Variants in BCAS3 observed in about 807,000 individuals in gnomAD.
BCAS3 encodes BCAS4/BCAS3 fusion.
Under a neutral mutation model 116.1 loss-of-function variants are expected in BCAS3, and 53 were observed. The ratio of observed to expected loss-of-function variants is 0.46; its 90% CI spans 0.37 to 0.57. The LOEUF (loss-of-function observed/expected upper bound fraction) is 0.57, where lower values mean the gene tolerates loss of function less well. Among genes scored for constraint, BCAS3 ranks in the 20% least tolerant of loss-of-function variants. The probability of loss-of-function intolerance (pLI) is 0.00; values close to 1 mark genes in which losing one functional copy is unlikely to be tolerated. For missense variants in BCAS3, 917 were observed against 1,165.4 expected, an observed-to-expected ratio of 0.79 and a Z score of 3.10; for synonymous variants, 391 against 408.2, an observed-to-expected ratio of 0.96 and a Z score of 0.51.
chr17:61,365,517 C>G lies in BCAS3; in HGVS notation c.2426-2810C>G, dbSNP rs1158013792. On this transcript the variant is annotated intron_variant, in intron 22 of 23. Coordinates refer to ENST00000407086, the MANE Select transcript of BCAS3 (RefSeq NM_017679.5). This position sits in a 1 kb window ranked among gnomAD's most constrained non-coding sequence, Gnocchi z 4.6. Reference sequence around the variant, plus strand: ...CCCAGCTAACTTTTGTATTTTTAGTCGAGATGGCGTTTCACCATGTTGTCC... The same window carrying G: ...CCCAGCTAACTTTTGTATTTTTAGTGGAGATGGCGTTTCACCATGTTGTCC... Among the ~76,000 whole-genome samples the G allele has an allele frequency of 1.3e-5, 2 of 152,124 alleles. No individual in the cohort carries two copies. Among genetic ancestry groups the G allele is most frequent in the Admixed American group, 1.3e-4 (2 of 15,282 alleles).
At chr17:60,729,529 A>T (rs1463140157) in intron 5 of BCAS3, among the ~76,000 whole-genome samples, 1 of 152,300 alleles carries the variant, frequency 6.6e-6, no homozygotes, top group East Asian at 1.9e-4. Flanking sequence ...GTTGTCAGTC[A>T]TTAAAAAAAA....
chr17:60,768,203 G>A (rs1486613911), intron 6 of BCAS3, among the ~76,000 whole-genome samples: 4 of 152,182 alleles, frequency 2.6e-5, no homozygotes, highest in African/African-American at 9.7e-5. Context: ...TGATTTCCTT[G>A]GTAGCTGTGA....
At chr17:61,049,730 CTTTTTTTTTTTTTTT>C (rs1027378849) in intron 19 of BCAS3, among the ~76,000 whole-genome samples, 1 of 120,828 alleles carries the variant, frequency 8.3e-6, no homozygotes, top group Admixed American at 8.1e-5. Context: ...CTTTTCTTTT[CTTTTTTTTTTTTTTT>C]TTTTGAGACG....
intron 10 of BCAS3, among the ~76,000 whole-genome samples, chr17:60,898,735 C>T (rs73991334): frequency 6.6e-6 from 1 of 152,100 alleles, no homozygotes; most frequent in Non-Finnish European, 1.5e-5. Flanking sequence ...TATGGGTGGG[C>T]TGGTTCCTGA....
chr17:61,125,397 G>A (rs752112723), intron 22 of BCAS3, among the ~76,000 whole-genome samples: 2 of 152,068 alleles, frequency 1.3e-5, no homozygotes, highest in Non-Finnish European at 2.9e-5. Flanking sequence ...TGACATATTT[G>A]TTTTCTCAGA....
chr17:61,107,032 G>C (rs1185912834), intron 22 of BCAS3, among the ~76,000 whole-genome samples: 1 of 148,410 alleles, frequency 6.7e-6, no homozygotes, highest in Non-Finnish European at 1.5e-5. Context: ...AGCTAAGGTT[G>C]ATGTTCCTCA....
rs777101591 is a variant in BCAS3, at chr17:61,244,577, A to C, written c.2426-123750A>C. On this transcript the variant is annotated intron_variant, in intron 22 of 23. Coordinates refer to ENST00000407086, the MANE Select transcript of BCAS3 (RefSeq NM_017679.5). The surrounding 1 kb of genome is among the most constrained non-coding windows in gnomAD (Gnocchi z 4.9). ...CAGTCTATATTTTTAAAAATTGGAT[A>C]TATAGGCCCGGCGCGGTGGCTCATG... Among the ~76,000 whole-genome samples the C allele has an allele frequency of 6.6e-6, 1 of 152,212 alleles. No homozygotes were observed. The highest frequency in any genetic ancestry group is 1.5e-5 in the Non-Finnish European group (1 of 68,032).
chr17:61,359,006 C>A (rs1184453977), intron 22 of BCAS3, among the ~76,000 whole-genome samples: 1 of 152,142 alleles, frequency 6.6e-6, no homozygotes, highest in African/African-American at 2.4e-5. Flanking sequence ...CTCTCCTGTG[C>A]CCCCTGCAGG....
chr17:60,694,181 C>T (rs112181318), intron 4 of BCAS3, among the ~76,000 whole-genome samples: 6,573 of 151,318 alleles, frequency 0.043, 514 homozygotes, highest in African/African-American at 0.14. Context: ...CCACCGCGCC[C>T]GGCCAAACAT....
In BCAS3 at chr17:61,008,904, T is replaced by C. The variant is rs762738469; in HGVS notation, c.1487-6847T>C. On this transcript the variant is annotated intron_variant, in intron 15 of 23. Transcript: ENST00000407086. The surrounding 1 kb of genome is among the most constrained non-coding windows in gnomAD (Gnocchi z 4.6). ...GGAGTGCCAGAGAGTCACATTGACC[T>C]CGGGCTTCAGTGTGGCTCAGTAATC... Among the ~76,000 whole-genome samples the C allele has an allele frequency of 6.6e-6, 1 of 151,994 alleles. No homozygotes were observed. The highest frequency in any genetic ancestry group is 2.4e-5 in the African/African-American group (1 of 41,408).
At chr17:61,045,975 TATTATATATATATTTATATATATATA>T (rs2068160516) in intron 19 of BCAS3, among the ~76,000 whole-genome samples, 1 of 10,536 alleles carries the variant, frequency 9.5e-5, no homozygotes, top group Non-Finnish European at 1.2e-4. Flanking sequence ...AATATATATA[TATTATATATATATTTATATATATATA>T]ATATATATAT....
rs1363079828 is a variant in BCAS3, at chr17:61,097,743, A to G, written c.2425+13179A>G. Among the ~76,000 whole-genome samples the G allele has an allele frequency of 1.3e-5, 2 of 152,192 alleles. No individual in the cohort carries two copies. Among genetic ancestry groups the G allele is most frequent in the Non-Finnish European group, 2.9e-5 (2 of 68,042 alleles). ...TCTCATTTAATCTTCTTTAATTAGG[A>G]TCAAGGTCCATTTTAGCAATAGTCA... is the stretch of plus-strand genomic sequence containing the variant. On this transcript the variant is annotated intron_variant, in intron 22 of 23. Coordinates refer to ENST00000407086, the MANE Select transcript of BCAS3 (RefSeq NM_017679.5). This position sits in a 1 kb window ranked among gnomAD's most constrained non-coding sequence, Gnocchi z 4.0.
At chr17:60,877,052 A>G (rs1407133405) in intron 9 of BCAS3, among the ~76,000 whole-genome samples, 1 of 152,108 alleles carries the variant, frequency 6.6e-6, no homozygotes, top group Non-Finnish European at 1.5e-5. Context: ...AGTATGTCTG[A>G]AAATGTAGTG....
rs2072077039 is a variant in BCAS3 at position 61,077,144 on chromosome 17, A to AG, written c.2131-1189_2131-1188insG. On this transcript the variant is annotated intron_variant, in intron 20 of 23. Coordinates refer to ENST00000407086, the MANE Select transcript of BCAS3 (RefSeq NM_017679.5). The surrounding 1 kb of genome is among the most constrained non-coding windows in gnomAD (Gnocchi z 4.3). ...ATTCGAGTTGATTATTTGTAAAAAA[A>AG]AAAAAAAATCATGTAATATATATAT... 6.6e-6 allele frequency among the ~76,000 whole-genome samples: 1 copy of AG among 152,038 alleles called. No homozygotes were observed. Among genetic ancestry groups the AG allele is most frequent in the Non-Finnish European group, 1.5e-5 (1 of 68,014 alleles).
rs188207909 is a variant in BCAS3, at chr17:61,373,249, T to C, written c.2593+4755T>C. 3.2e-3 allele frequency among the ~76,000 whole-genome samples: 486 copies of C among 151,888 alleles called. 2 individuals carry two copies. Among genetic ancestry groups the C allele is most frequent in the African/African-American group, 0.011 (469 of 41,420 alleles). On this transcript the variant is annotated intron_variant, in intron 23 of 23. Coordinates refer to ENST00000407086, the MANE Select transcript of BCAS3 (RefSeq NM_017679.5). ...GGACTCAGATACCCACCACCATGCC[T>C]GGCTAATTTTTGTATTTTTTAGTAG...
rs11079423 is a variant in BCAS3 at position 61,215,952 on chromosome 17, C to T, written c.2425+131388C>T. ...CAGGATATAATAGGTAAATCCACTT[C>T]TCTAGTATATTCAAATATATATTTT... On this transcript the variant is annotated intron_variant, in intron 22 of 23. Coordinates refer to ENST00000407086, the MANE Select transcript of BCAS3 (RefSeq NM_017679.5). This position sits in a 1 kb window ranked among gnomAD's most constrained non-coding sequence, Gnocchi z 4.8. Among the ~76,000 whole-genome samples the T allele has an allele frequency of 1, 151,976 of 152,344 alleles. 75,805 individuals carry two copies. Among genetic ancestry groups the T allele is most frequent in the Non-Finnish European group, 1 (68,046 of 68,046 alleles).
intron 8 of BCAS3, among the ~76,000 whole-genome samples, 166 bp downstream of exon 8, chr17:60,868,849 T>C (rs778005110): frequency 6.6e-6 from 1 of 152,218 alleles, no homozygotes; most frequent in Admixed American, 6.5e-5. Context: ...TCTTGATGAA[T>C]ATATTCAGAC....
chr17:61,385,284 C>A (rs56333622), intron 23 of BCAS3, among the ~76,000 whole-genome samples: 2,896 of 152,310 alleles, frequency 0.019, 89 homozygotes, highest in African/African-American at 0.065. Context: ...CTGCTCAACC[C>A]CACACAATTT....
chr17:61,391,806 C>T lies in BCAS3; in HGVS notation c.2594-171C>T. 1 of 690,362 alleles carries T rather than the reference C, an allele frequency of 1.4e-6. No individual in the cohort carries two copies. The highest frequency in any genetic ancestry group is 2.5e-6 in the Non-Finnish European group (1 of 405,888). The allele number at this position is 690,362 out of a possible 1,614,324, so 42.8% of individuals were successfully genotyped here. ...GCTTTCCCTCCCCTGGCTGAGCCTT[C>T]CTGTGACCTGAGCTGCCCCCTGCCC... is the stretch of plus-strand genomic sequence containing the variant. On this transcript the variant is annotated intron_variant, in intron 23 of 23. Coordinates refer to ENST00000407086, the MANE Select transcript of BCAS3 (RefSeq NM_017679.5). This position sits in a 1 kb window ranked among gnomAD's most constrained non-coding sequence, Gnocchi z 7.7.
Sources: gnomAD v4.1 joint callset for allele counts (sites outside exome capture counted in the v4.1 genomes callset) on GRCh38, gnomAD v4.1.1 for gene constraint, Gnocchi (gnomAD v3.1) non-coding constraint, MANE v1.5 for transcripts, NCBI Gene and HGNC (gene_info 2026-07-23, HGNC 2026-07-21) for gene names.